The following CDC14A variants were observed in gnomAD, a reference collection of about 807,000 sequenced individuals.
The protein encoded by CDC14A is dual specificity protein phosphatase CDC14A.
A neutral mutation model predicts 74.4 loss-of-function variants in CDC14A; 53 were observed. The ratio of observed to expected loss-of-function variants is 0.71; its 90% confidence interval spans 0.57 to 0.89. The LOEUF is 0.89. Among genes scored for constraint, CDC14A ranks in the 40% least tolerant of loss-of-function variants. CDC14A has a pLI of 0.00. For synonymous variants in CDC14A, 247 were observed against 258.4 expected (o/e 0.96, Z 0.43); for missense variants, 646 against 713.7 (o/e 0.91, Z 1.08).
intron 15 of CDC14A, among the ~76,000 whole-genome samples, chr1:100,505,529 T>C (rs775705118): frequency 2.0e-5 from 3 of 152,220 alleles, no homozygotes; most frequent in South Asian, 2.1e-4. Flanking sequence ...TGATTGGCAG[T>C]GCACTAAAGC....
chr1:100,352,130 G>A (rs915352994), upstream of CDC14A, among the ~76,000 whole-genome samples: 2 of 152,166 alleles, frequency 1.3e-5, no homozygotes, highest in Non-Finnish European at 2.9e-5. Flanking sequence ...GAAAAGAAAG[G>A]GGGCGCCAGC....
chr1:100,484,180 G>A, intron 10 of CDC14A, 112 bp from the exon 11 acceptor site: 1 of 549,934 alleles, frequency 1.8e-6, no homozygotes, highest in Non-Finnish European at 3.0e-6. Flanking sequence ...ATTTGTAAAT[G>A]CTTATTTGCT....
At chr1:100,481,956 G>A (rs981768300) in intron 10 of CDC14A, among the ~76,000 whole-genome samples, 3 of 152,164 alleles carry the variant, frequency 2.0e-5, no homozygotes, top group Non-Finnish European at 4.4e-5. Context: ...TCAATAAAAA[G>A]GAATTTGCGT....
chr1:100,365,941 TACACACACACACAC>T (rs34281009), intron 2 of CDC14A, among the ~76,000 whole-genome samples: 3 of 142,394 alleles, frequency 2.1e-5, no homozygotes, highest in Non-Finnish European at 4.6e-5. Flanking sequence ...AACAAAATTT[TACACACACACACAC>T]ACACACACAC....
At chr1:100,479,594 T>C (rs926152848) in intron 10 of CDC14A, among the ~76,000 whole-genome samples, 2 of 152,174 alleles carry the variant, frequency 1.3e-5, no homozygotes, top group Admixed American at 1.3e-4. Flanking sequence ...ATTTTGTGTT[T>C]CCTAAAATAC....
At chr1:100,504,904 A>T (rs1412463325) in intron 15 of CDC14A, 6 of 1,531,250 alleles carry the variant, frequency 3.9e-6, no homozygotes, top group Non-Finnish European at 5.3e-6. Flanking sequence ...AAAGACATAT[A>T]TTACCTCCCA....
chr1:100,356,850 ACT>A (rs1201879740), intron 2 of CDC14A, among the ~76,000 whole-genome samples: 2 of 133,198 alleles, frequency 1.5e-5, no homozygotes, highest in African/African-American at 5.9e-5. Context: ...ACAGAGCAAG[ACT>A]CTGTCTAAAA....
intron 14 of CDC14A, among the ~76,000 whole-genome samples, chr1:100,498,487 G>A (rs1648203529): frequency 6.6e-6 from 1 of 152,206 alleles, no homozygotes; most frequent in Non-Finnish European, 1.5e-5. Flanking sequence ...AAATGATATT[G>A]TCATTTCTCA....
upstream of CDC14A, among the ~76,000 whole-genome samples, chr1:100,347,779 C>T (rs577411108): frequency 6.6e-6 from 1 of 152,138 alleles, no homozygotes; most frequent in Non-Finnish European, 1.5e-5. Context: ...AATTAATTTA[C>T]AGAAAGAATT....
chr1:100,480,915 G>A (rs1016383488), intron 10 of CDC14A: 2 of 152,134 alleles, frequency 1.3e-5, no homozygotes, highest in African/African-American at 4.8e-5. Flanking sequence ...TTTCTAGTAT[G>A]TTTCACAATT....
chr1:100,488,966 G>T (rs1350443633), intron 11 of CDC14A, among the ~76,000 whole-genome samples: 2 of 152,134 alleles, frequency 1.3e-5, no homozygotes, highest in Admixed American at 6.5e-5. Flanking sequence ...GATCACTCTG[G>T]CTATGGTGTC....
intron 2 of CDC14A, among the ~76,000 whole-genome samples, chr1:100,362,460 A>G (rs1000614202): frequency 3.9e-5 from 6 of 152,100 alleles, no homozygotes; most frequent in Middle Eastern, 6.3e-3. Context: ...AACCAATGCC[A>G]TTTTTCAAAA....
chr1:100,513,023 CA>C (rs35107462), intron 15 of CDC14A, among the ~76,000 whole-genome samples: 1 of 151,896 alleles, frequency 6.6e-6, no homozygotes, highest in Non-Finnish European at 1.5e-5. Flanking sequence ...TCCATGTAGC[CA>C]AAAACCACTT....
chr1:100,502,512 C>T (rs1394762956), intron 15 of CDC14A, among the ~76,000 whole-genome samples: 1 of 152,172 alleles, frequency 6.6e-6, no homozygotes. Context: ...TAAGTGCACT[C>T]TATCGTGCAC....
At chr1:100,512,041 C>T (rs1460551167) in intron 15 of CDC14A, among the ~76,000 whole-genome samples, 1 of 152,038 alleles carries the variant, frequency 6.6e-6, no homozygotes, top group East Asian at 1.9e-4. Context: ...AAGCCTGAAC[C>T]CTAGCACTTG....
At chr1:100,491,540 CTCTCTCTCTATATA>C (rs1255408606) in intron 11 of CDC14A, among the ~76,000 whole-genome samples, 5 of 40,288 alleles carry the variant, frequency 1.2e-4, no homozygotes, top group African/African-American at 4.0e-4. Flanking sequence ...CTCTCTCTCT[CTCTCTCTCTATATA>C]TATATATATA....
At chr1:100,505,281 C>G (rs1459105232) in intron 15 of CDC14A, among the ~76,000 whole-genome samples, 2 of 150,128 alleles carry the variant, frequency 1.3e-5, no homozygotes, top group Non-Finnish European at 3.0e-5. Flanking sequence ...CATTTTTATA[C>G]TCAGTTGGTT....
intron 4 of CDC14A, among the ~76,000 whole-genome samples, chr1:100,413,808 G>C (rs1661181097): frequency 6.6e-6 from 1 of 152,136 alleles, no homozygotes; most frequent in South Asian, 2.1e-4. Context: ...TAATCACAAT[G>C]CCAAATACTG....
intron 11 of CDC14A, among the ~76,000 whole-genome samples, chr1:100,492,934 T>C (rs1048251818): frequency 6.6e-6 from 1 of 152,058 alleles, no homozygotes; most frequent in Non-Finnish European, 1.5e-5. Context: ...CCTGATTCTA[T>C]AACTCTTCTT....
Sources: allele counts gnomAD v4.1 joint callset (sites outside exome capture counted in the v4.1 genomes callset), GRCh38; gene constraint gnomAD v4.1.1; transcripts MANE v1.5; gene names NCBI Gene and HGNC (gene_info 2026-07-23, HGNC 2026-07-21).